Variants in AFF2 observed in about 807,000 individuals in gnomAD.
AFF2 encodes the protein ALF transcription elongation factor 2.
A neutral mutation model predicts 76.9 loss-of-function variants in AFF2; 14 were observed. That is an observed-to-expected ratio of 0.18 (90% CI 0.12 to 0.28). The LOEUF is 0.28. Ranked by LOEUF, AFF2 falls within the 10% of genes least tolerant of loss-of-function variation. AFF2 has a pLI of 1.00. For missense variants in AFF2, 868 were observed against 1,001.1 expected (o/e 0.87, Z 1.79); for synonymous variants, 398 against 366.7 (o/e 1.09, Z -0.98).
chrX:148,659,643 A>G (rs782792176), intron 2 of AFF2, among the ~76,000 whole-genome samples: 26 of 112,481 alleles, frequency 2.3e-4, no homozygotes, highest in Non-Finnish European at 3.8e-4. Context: ...TGACAGGCCA[A>G]AACAACCTAC....
intron 1 of AFF2, among the ~76,000 whole-genome samples, chrX:148,549,748 G>T (rs782233738): frequency 9.0e-6 from 1 of 111,664 alleles, no homozygotes; most frequent in South Asian, 3.8e-4. Flanking sequence ...TTTGTGGTGA[G>T]TTTTTTTCAA....
chrX:148,795,832 AATATATATATATATATATATAT>A (rs1169188980), intron 3 of AFF2, among the ~76,000 whole-genome samples: 48 of 15,534 alleles, frequency 3.1e-3, no homozygotes, highest in South Asian at 8.3e-3. Context: ...AAAAAAAAAA[AATATATATATATATATATATAT>A]ATATATATAT....
chrX:148,985,904 T>C (rs2072465244), intron 19 of AFF2, among the ~76,000 whole-genome samples: 1 of 111,102 alleles, frequency 9.0e-6, no homozygotes, highest in African/African-American at 3.3e-5. Flanking sequence ...CTCTGTCCTA[T>C]AGCTGTAGGC....
intron 3 of AFF2, among the ~76,000 whole-genome samples, chrX:148,731,604 AG>A (rs1321446790): frequency 4.5e-5 from 5 of 111,465 alleles, no homozygotes; most frequent in Non-Finnish European, 3.8e-5. Context: ...TTTTAAGCAC[AG>A]CAAAAGAAAC....
chrX:148,679,277 A>G (rs1483651028), intron 3 of AFF2, among the ~76,000 whole-genome samples: 3 of 106,714 alleles, frequency 2.8e-5, no homozygotes, highest in Non-Finnish European at 3.9e-5. Flanking sequence ...GCAATCTGAT[A>G]GTAATTTTAA....
At chrX:148,877,410 C>T (rs1210903623) in intron 7 of AFF2, among the ~76,000 whole-genome samples, 2 of 111,939 alleles carry the variant, frequency 1.8e-5, no homozygotes, top group Admixed American at 9.5e-5. Context: ...TACCTCTTCC[C>T]CTAAACCAGA....
At chrX:148,591,401 C>T (rs781851015) in intron 1 of AFF2, among the ~76,000 whole-genome samples, 1 of 112,165 alleles carries the variant, frequency 8.9e-6, no homozygotes, top group South Asian at 3.7e-4. Flanking sequence ...CTGATTTGTT[C>T]TGGGCCTTTA....
intron 2 of AFF2, among the ~76,000 whole-genome samples, chrX:148,659,088 A>G (rs1233033162): frequency 1.8e-5 from 2 of 112,162 alleles, no homozygotes; most frequent in Non-Finnish European, 3.8e-5. Context: ...AGACTTATTG[A>G]GAGAAATTTC....
chrX:148,724,504 A>G (rs1365606556), intron 3 of AFF2, among the ~76,000 whole-genome samples: 1 of 112,362 alleles, frequency 8.9e-6, no homozygotes, highest in Non-Finnish European at 1.9e-5. Flanking sequence ...TTTATTGAGA[A>G]CTTATGATGA....
chrX:148,862,299 G>T (rs984674273), intron 7 of AFF2, among the ~76,000 whole-genome samples: 6 of 111,186 alleles, frequency 5.4e-5, no homozygotes, highest in African/African-American at 2.0e-4. Flanking sequence ...TTCAGACTGT[G>T]TCTTCCCTAG....
intron 9 of AFF2, among the ~76,000 whole-genome samples, chrX:148,952,851 G>A (rs933700460): frequency 1.8e-5 from 2 of 111,588 alleles, no homozygotes; most frequent in Non-Finnish European, 1.9e-5. Context: ...GGTGGAGGAG[G>A]CCTAGAAGTG....
chrX:148,811,450 T>C (rs2070201735), intron 4 of AFF2, among the ~76,000 whole-genome samples: 2 of 111,612 alleles, frequency 1.8e-5, no homozygotes, highest in African/African-American at 3.3e-5. Flanking sequence ...ACAAAAGGAA[T>C]GCACACTGGG....
At chrX:148,957,850 T>G (rs1256871913) in intron 11 of AFF2, among the ~76,000 whole-genome samples, 1 of 112,235 alleles carries the variant, frequency 8.9e-6, no homozygotes, top group Non-Finnish European at 1.9e-5. Flanking sequence ...AAACAGCACA[T>G]GCAAAAGTCC....
intron 7 of AFF2, among the ~76,000 whole-genome samples, chrX:148,870,495 T>A (rs1028242414): frequency 1.2e-4 from 13 of 112,399 alleles, no homozygotes; most frequent in African/African-American, 4.2e-4. Flanking sequence ...CTATGGTAGT[T>A]CATTCTCTGT....
intron 2 of AFF2, among the ~76,000 whole-genome samples, chrX:148,659,412 A>G (rs782202847): frequency 3.6e-5 from 4 of 112,401 alleles, no homozygotes; most frequent in East Asian, 2.8e-4. Context: ...GGAGACTACA[A>G]TGACTTTTCA....
chrX:148,667,604 T>C (rs970602031), intron 3 of AFF2, among the ~76,000 whole-genome samples: 1 of 111,832 alleles, frequency 8.9e-6, no homozygotes, highest in Non-Finnish European at 1.9e-5. Context: ...GTGAGAGGCA[T>C]ATCTCACATT....
intron 9 of AFF2, among the ~76,000 whole-genome samples, chrX:148,926,867 A>C (rs1221598241): frequency 1.8e-5 from 2 of 112,199 alleles, no homozygotes; most frequent in Non-Finnish European, 3.8e-5. Flanking sequence ...TCAGTGTCAC[A>C]TGGAAAAAAC....
At chrX:148,815,274 C>G (rs1448464801) in intron 4 of AFF2, among the ~76,000 whole-genome samples, 1 of 111,839 alleles carries the variant, frequency 8.9e-6, no homozygotes, top group Non-Finnish European at 1.9e-5. Context: ...ATGACTAGTT[C>G]TTACCTAATG....
chrX:148,795,384 C>A (rs1481474116), intron 3 of AFF2, among the ~76,000 whole-genome samples: 6 of 110,699 alleles, frequency 5.4e-5, no homozygotes, highest in African/African-American at 2.0e-4. Context: ...CTTATCATTA[C>A]AGAGTAGATG....
Sources: gnomAD v4.1 joint callset for allele counts (sites outside exome capture counted in the v4.1 genomes callset) on GRCh38, gnomAD v4.1.1 for gene constraint, MANE v1.5 for transcripts, NCBI Gene and HGNC (gene_info 2026-07-23, HGNC 2026-07-21) for gene names.